KMT5B: variants seen among roughly 807,000 people sequenced by gnomAD.
KMT5B encodes lysine methyltransferase 5B, also known as histone-lysine N-methyltransferase KMT5B.
A neutral mutation model predicts 83.2 loss-of-function variants in KMT5B; 10 were observed. That is an observed-to-expected ratio of 0.12 (90% confidence interval 0.07 to 0.20). The LOEUF is 0.20. Among genes scored for constraint, KMT5B ranks in the 10% least tolerant of loss-of-function variants. The pLI, the probability that KMT5B is intolerant of heterozygous loss-of-function variation, is 1.00. For synonymous variants in KMT5B, 349 were observed against 388.8 expected, an observed-to-expected ratio of 0.90 and a Z score of 1.20; for missense variants, 753 against 1,067.2, an observed-to-expected ratio of 0.71 and a Z score of 4.10.
Position 68,197,074 on chromosome 11 carries a change from G to A in KMT5B, c.-76-6922C>T, listed in dbSNP as rs546055214. ...CAACCTCTGCTTCCTGGGTTCAAGC[G>A]ATTCTCCTGACTCAGCCTCCCGAGT... On this transcript the variant is annotated intron_variant, in intron 1 of 10. Transcript: ENST00000304363. Among the ~76,000 whole-genome samples the A allele has an allele frequency of 1.5e-4, 23 of 151,948 alleles. No individual in the cohort carries two copies. In the South Asian group the frequency reaches 4.1e-3, roughly 27 times the overall value.
At chr11:68,161,122 A>T (rs1170856384) in intron 10 of KMT5B, among the ~76,000 whole-genome samples, 1 of 152,218 alleles carries the variant, frequency 6.6e-6, no homozygotes, top group African/African-American at 2.4e-5. Flanking sequence ...AGGAGTAGTG[A>T]ACTTTGAATG....
intron 1 of KMT5B, among the ~76,000 whole-genome samples, chr11:68,191,000 CTTTTTGTCTGTG>C (rs1483756528): frequency 6.6e-6 from 1 of 152,090 alleles, no homozygotes; most frequent in Non-Finnish European, 1.5e-5. Context: ...ATTTTTGTGT[CTTTTTGTCTGTG>C]TTTTGAGACA....
At chr11:68,184,897 A>G (rs1402788483) in intron 3 of KMT5B, among the ~76,000 whole-genome samples, 1 of 152,234 alleles carries the variant, frequency 6.6e-6, no homozygotes, top group Non-Finnish European at 1.5e-5. Context: ...ACAGATTTCA[A>G]GATTAATGTA....
chr11:68,210,531 T>A (rs1046280477), intron 1 of KMT5B, among the ~76,000 whole-genome samples: 1 of 152,194 alleles, frequency 6.6e-6, no homozygotes, highest in Non-Finnish European at 1.5e-5. Flanking sequence ...CAAACAGTGA[T>A]AGAGCAGAGA....
rs192815581 is a variant in KMT5B, at chr11:68,189,095, C to T, written c.160+822G>A. Among the ~76,000 whole-genome samples, 9 of 152,326 alleles carry T rather than the reference C, an allele frequency of 5.9e-5. No individual in the cohort carries two copies. The East Asian group carries it at 1.5e-3, about 26-fold the overall frequency. ...TCAGAACTTGTACAATCTGAAACTA[C>T]AGAAAATCCCAGGCTAATCCAAATC... is the stretch of plus-strand genomic sequence containing the variant. On this transcript the variant is annotated intron_variant, in intron 2 of 10. Coordinates refer to ENST00000304363, the MANE Select transcript of KMT5B (RefSeq NM_017635.5).
At chr11:68,164,211 C>T (rs1395470254) in intron 10 of KMT5B, among the ~76,000 whole-genome samples, 4 of 152,266 alleles carry the variant, frequency 2.6e-5, no homozygotes, top group East Asian at 1.9e-4. Flanking sequence ...AGGTACTTTC[C>T]GAAAAAGCAC....
At chr11:68,195,015 A>T (rs960330894) in intron 1 of KMT5B, among the ~76,000 whole-genome samples, 2 of 152,140 alleles carry the variant, frequency 1.3e-5, no homozygotes, top group Non-Finnish European at 2.9e-5. Flanking sequence ...TTGCTACTAA[A>T]AATAAAAATT....
chr11:68,178,776 T>G (rs1055033791), intron 4 of KMT5B, among the ~76,000 whole-genome samples: 20 of 152,244 alleles, frequency 1.3e-4, no homozygotes, highest in Non-Finnish European at 2.8e-4. Flanking sequence ...CTATTAGGGC[T>G]GGTGCAAATG....
At position 68,159,017 on chromosome 11, in the gene KMT5B, C is replaced by T. The variant is rs756715905; in HGVS notation, c.1329G>A (p.Lys443=). The T allele has an allele frequency of 6.2e-7, 1 of 1,612,758 alleles. No homozygotes were observed. Among genetic ancestry groups the T allele is most frequent in the South Asian group, 1.1e-5 (1 of 90,630 alleles). The part of the protein sequence containing the change: ...NNSRVPKKLK[K]PAKPLLSKIK... The stretch of plus-strand genomic sequence containing the variant: ...TCTTTGAAAGTAAAGGCTTTGCAGG[C>T]TTCTTCAGTTTCTTTGGTACCCTGG... The change falls in exon 11 of 11, where the codon AAG becomes AAA. Residue 443 remains lysine, a synonymous_variant. Transcript: ENST00000304363.
At chr11:68,161,681 G>A (rs1162395098) in intron 10 of KMT5B, among the ~76,000 whole-genome samples, 2 of 151,972 alleles carry the variant, frequency 1.3e-5, no homozygotes, top group Non-Finnish European at 2.9e-5. Flanking sequence ...ACTTTTTCTT[G>A]AGAAAACCTT....
chr11:68,163,194 T>G (rs1216627109), intron 10 of KMT5B, among the ~76,000 whole-genome samples: 2 of 152,054 alleles, frequency 1.3e-5, no homozygotes, highest in Non-Finnish European at 2.9e-5. Context: ...TAATTTTAGG[T>G]GGGGGTACAC....
chr11:68,189,935 C>T lies in KMT5B; in HGVS notation c.142G>A (p.Glu48Lys), dbSNP rs1256875734. ...TACATACATCTGTTCGACCTCCTCT[C>T]GACTGCATTTTTGCCAGCCTTCAGG... ...DTLKAGKNAV[E>K]RRSNRCNGNS... The change falls in exon 2 of 11, where the codon GAG (glutamate) becomes AAG (lysine). Residue 48 changes from glutamate (E) to lysine (K), a missense_variant. Transcript: ENST00000304363. 3 of 1,614,030 alleles carry T rather than the reference C, an allele frequency of 1.9e-6. No individual in the cohort carries two copies. The highest frequency in any genetic ancestry group is 2.5e-6 in the Non-Finnish European group (3 of 1,180,034).
chr11:68,166,161 T>C, intron 10 of KMT5B: 1 of 1,371,858 alleles, frequency 7.3e-7, no homozygotes, highest in Non-Finnish European at 9.4e-7. Context: ...AGTCTACTGC[T>C]TTAGTGGCAA....
chr11:68,158,747 G>C lies in KMT5B; in HGVS notation c.1599C>G (p.Pro533=). Residue 533 remains proline (P), a synonymous_variant, in exon 11 of 11, where the codon CCC becomes CCG. Coordinates refer to ENST00000304363, the MANE Select transcript of KMT5B (RefSeq NM_017635.5). ...CTGACCGCCGAGTTATGTAGGTGCA[G>C]GGCGAGCTCTCCCCCTGCGAATGAG... ...RGAHSQGESS[P]CTYITRRSVR... The C allele has an allele frequency of 6.2e-7, 1 of 1,614,140 alleles. No homozygotes were observed. The highest frequency in any genetic ancestry group is 8.5e-7 in the Non-Finnish European group (1 of 1,180,030).
At chr11:68,167,250 A>C (rs1451004043) in intron 9 of KMT5B, 72 bp from the exon 10 acceptor site, 6 of 1,517,140 alleles carry the variant, frequency 4.0e-6, no homozygotes, top group African/African-American at 1.4e-5. Context: ...TGCTGAGGGT[A>C]CTTGGCTACA....
chr11:68,196,636 G>T (rs1858749003), intron 1 of KMT5B, among the ~76,000 whole-genome samples: 1 of 151,502 alleles, frequency 6.6e-6, no homozygotes, highest in South Asian at 2.1e-4. Flanking sequence ...GTGTGTAAGG[G>T]GGTGAGAGAA....
Sources: allele counts gnomAD v4.1 joint callset (sites outside exome capture counted in the v4.1 genomes callset), GRCh38; gene constraint gnomAD v4.1.1; transcripts MANE v1.5; gene names NCBI Gene and HGNC (gene_info 2026-07-23, HGNC 2026-07-21).